RTN1: variants seen among roughly 807,000 people sequenced by gnomAD.
The protein encoded by RTN1 is reticulon 1, also known as reticulon-1.
Under a neutral mutation model 65.5 loss-of-function variants are expected in RTN1, and 25 were observed. The ratio of observed to expected loss-of-function variants is 0.38; its 90% CI spans 0.28 to 0.53. The LOEUF is 0.53. RTN1 is among the 20% of genes least tolerant of loss of function. RTN1 has a pLI of 0.79. For missense variants in RTN1, 983 were observed against 1,025.4 expected (o/e 0.96, Z 0.57); for synonymous variants, 471 against 447.6 (o/e 1.05, Z -0.66).
intron 1 of RTN1, among the ~76,000 whole-genome samples, chr14:59,750,142 A>AT (rs1198051348): frequency 1.6e-3 from 96 of 60,390 alleles, no homozygotes; most frequent in African/African-American, 4.3e-3. Flanking sequence ...AATATATAAT[A>AT]TATATATTAT....
intron 3 of RTN1, among the ~76,000 whole-genome samples, chr14:59,669,886 G>C (rs79355271): frequency 0.021 from 3,143 of 152,196 alleles, 48 homozygotes; most frequent in Non-Finnish European, 0.034. Flanking sequence ...CTCTTCCCTG[G>C]CCCCTTCATC....
chr14:59,624,467 T>C (rs1882338394), intron 3 of RTN1, among the ~76,000 whole-genome samples: 1 of 147,874 alleles, frequency 6.8e-6, no homozygotes, highest in Non-Finnish European at 1.5e-5. Context: ...TTTCTTTTCT[T>C]TTTTTTTTTT....
intron 2 of RTN1, among the ~76,000 whole-genome samples, chr14:59,737,169 A>C (rs751455472): frequency 3.3e-5 from 5 of 152,232 alleles, no homozygotes; most frequent in Non-Finnish European, 7.3e-5. Flanking sequence ...GGCCAGGGCA[A>C]TCAGGCAAGA....
At chr14:59,848,376 A>G (rs148780342) in intron 1 of RTN1, among the ~76,000 whole-genome samples, 18 of 152,372 alleles carry the variant, frequency 1.2e-4, no homozygotes, top group African/African-American at 4.3e-4. Flanking sequence ...CATTCATCCA[A>G]TTAATTTTTA....
chr14:59,716,930 T>TTCA (rs1384484547), intron 3 of RTN1, among the ~76,000 whole-genome samples: 17 of 147,862 alleles, frequency 1.1e-4, no homozygotes, highest in African/African-American at 4.2e-4. Flanking sequence ...ATCATGCCAC[T>TTCA]ACACTCCAGC....
intron 2 of RTN1, among the ~76,000 whole-genome samples, chr14:59,736,974 T>C (rs903624525): frequency 1.3e-5 from 2 of 152,190 alleles, no homozygotes; most frequent in East Asian, 3.8e-4. Flanking sequence ...TTCCTTCATA[T>C]TAAAAACTGT....
In RTN1 at chr14:59,870,676, G is replaced by A; in HGVS notation, c.-46C>T. The stretch of plus-strand genomic sequence containing the variant: ...GGCGACGGCGGCTTGGCTGGGCAGA[G>A]GCTCGGTGGCTGCGCGGGCGCTCCC... On this transcript the variant is annotated 5_prime_UTR_variant, in exon 1 of 9. Transcript: ENST00000267484. This position sits in a 1 kb window ranked among gnomAD's most constrained non-coding sequence, Gnocchi z 5.1. The A allele has an allele frequency of 7.6e-7, 1 of 1,317,080 alleles. No individual in the cohort carries two copies. The allele number at this position is 1,317,080 out of a possible 1,614,324, so 81.6% of individuals were successfully genotyped here. A position where few individuals can be genotyped will look rare whatever the true frequency, so the allele number is the denominator to read the frequency against.
chr14:59,769,881 G>A (rs548849033), intron 1 of RTN1, among the ~76,000 whole-genome samples: 8 of 152,246 alleles, frequency 5.3e-5, no homozygotes, highest in Non-Finnish European at 8.8e-5. Context: ...GTGGGACAAG[G>A]AAGAATTTCC....
At chr14:59,788,095 T>C (rs1025791681) in intron 1 of RTN1, among the ~76,000 whole-genome samples, 14 of 152,334 alleles carry the variant, frequency 9.2e-5, no homozygotes, top group East Asian at 1.9e-4. Flanking sequence ...ATTGTATGAA[T>C]GTACTTTGAT....
intron 3 of RTN1, among the ~76,000 whole-genome samples, chr14:59,694,208 AT>A (rs1332729422): frequency 6.6e-6 from 1 of 152,098 alleles, no homozygotes; most frequent in Non-Finnish European, 1.5e-5. Flanking sequence ...CTAAATCAGG[AT>A]TTTTTTAACT....
At chr14:59,658,606 G>A (rs1883175760) in intron 3 of RTN1, among the ~76,000 whole-genome samples, 1 of 152,200 alleles carries the variant, frequency 6.6e-6, no homozygotes, top group Non-Finnish European at 1.5e-5. Flanking sequence ...GTCTGGAGTG[G>A]ACCTCCAGAA....
intron 1 of RTN1, among the ~76,000 whole-genome samples, chr14:59,780,383 A>C (rs1484626709): frequency 6.6e-6 from 1 of 152,230 alleles, no homozygotes; most frequent in African/African-American, 2.4e-5. Flanking sequence ...GTCAAATATT[A>C]ACAAAACTTA....
At chr14:59,744,067 G>T (rs1885167537) in intron 2 of RTN1, among the ~76,000 whole-genome samples, 1 of 152,138 alleles carries the variant, frequency 6.6e-6, no homozygotes, top group African/African-American at 2.4e-5. Context: ...TGAGTCTGAA[G>T]GAACTTTGGG....
chr14:59,848,717 G>T (rs1887452421), intron 1 of RTN1, among the ~76,000 whole-genome samples: 1 of 151,982 alleles, frequency 6.6e-6, no homozygotes, highest in African/African-American at 2.4e-5. Context: ...TGTAACCAAA[G>T]AAAAAAATAC....
At chr14:59,798,208 A>G (rs1886474064) in intron 1 of RTN1, among the ~76,000 whole-genome samples, 1 of 152,184 alleles carries the variant, frequency 6.6e-6, no homozygotes. Flanking sequence ...TGACTTGGCT[A>G]TACAAACAAG....
chr14:59,704,910 G>A (rs565163165), intron 3 of RTN1, among the ~76,000 whole-genome samples: 13 of 152,276 alleles, frequency 8.5e-5, no homozygotes, highest in African/African-American at 2.9e-4. Flanking sequence ...TAATCAGAGA[G>A]CTGGATCATC....
chr14:59,733,337 AC>A (rs1337782012), intron 2 of RTN1, among the ~76,000 whole-genome samples: 1 of 152,042 alleles, frequency 6.6e-6, no homozygotes, highest in Non-Finnish European at 1.5e-5. Context: ...CAAGTGATCC[AC>A]CCACTTTGGC....
At chr14:59,705,254 C>T (rs1436571494) in intron 3 of RTN1, among the ~76,000 whole-genome samples, 1 of 152,172 alleles carries the variant, frequency 6.6e-6, no homozygotes, top group Non-Finnish European at 1.5e-5. Context: ...CTACCCCCTA[C>T]CCCAACTTTG....
chr14:59,731,144 T>C (rs1884887104), intron 2 of RTN1, among the ~76,000 whole-genome samples: 1 of 152,176 alleles, frequency 6.6e-6, no homozygotes, highest in Non-Finnish European at 1.5e-5. Flanking sequence ...AAAAATGTAA[T>C]ATATCCATAC....
Sources: gnomAD v4.1 joint callset for allele counts (sites outside exome capture counted in the v4.1 genomes callset) on GRCh38, gnomAD v4.1.1 for gene constraint, Gnocchi (gnomAD v3.1) non-coding constraint, MANE v1.5 for transcripts, NCBI Gene and HGNC (gene_info 2026-07-23, HGNC 2026-07-21) for gene names.